Variants in CACNA1D observed in about 807,000 individuals in gnomAD.
CACNA1D encodes the protein calcium voltage-gated channel subunit alpha1 D.
In CACNA1D, 55 loss-of-function variants were observed where a neutral mutation model predicts 257.1. That is an observed-to-expected ratio of 0.21 (90% CI 0.17 to 0.27). The LOEUF is 0.27. CACNA1D is among the 10% of genes least tolerant of loss of function. CACNA1D has a pLI of 1.00. For synonymous variants in CACNA1D, 980 were observed against 1,014.9 expected, an observed-to-expected ratio of 0.97 and a Z score of 0.65; for missense variants, 1,876 against 2,784.0, an observed-to-expected ratio of 0.67 and a Z score of 7.34.
At chr3:53,575,392 G>A (rs77364322) in intron 3 of CACNA1D, among the ~76,000 whole-genome samples, 3 of 152,248 alleles carry the variant, frequency 2.0e-5, no homozygotes, top group East Asian at 3.9e-4. Context: ...TGGGGTGGGG[G>A]CATGGTTCCA....
At chr3:53,585,746 G>T (rs186442640) in intron 3 of CACNA1D, among the ~76,000 whole-genome samples, 91 of 152,260 alleles carry the variant, frequency 6.0e-4, no homozygotes, top group African/African-American at 2.0e-3. Flanking sequence ...GGGAGGGGCT[G>T]GTCCACGCAG....
At chr3:53,581,444 A>G (rs2093131415) in intron 3 of CACNA1D, among the ~76,000 whole-genome samples, 1 of 152,208 alleles carries the variant, frequency 6.6e-6, no homozygotes, top group Admixed American at 6.5e-5. Flanking sequence ...CACATCACAC[A>G]CACACAAAGA....
intron 6 of CACNA1D, among the ~76,000 whole-genome samples, 157 bp from the exon 7 acceptor site, chr3:53,666,182 C>G (rs1214876677): frequency 6.6e-6 from 1 of 152,140 alleles, no homozygotes; most frequent in African/African-American, 2.4e-5. Context: ...AAGGAGGGAG[C>G]ATTTGAAGGG....
Position 53,614,587 on chromosome 3 carries a change from G to A in CACNA1D, c.484-36192G>A, listed in dbSNP as rs139272862. Among the ~76,000 whole-genome samples, 71 of 152,296 alleles carry A rather than the reference G, an allele frequency of 4.7e-4. No homozygotes were observed. In the South Asian group the frequency reaches 6.4e-3, roughly 14 times the overall value. On this transcript the variant is annotated intron_variant, in intron 3 of 47. Transcript: ENST00000350061. ...CAAAATGCTTTCTTCCTGTTAAAGCGTCACACTTTGCCAGTTGACAAAGGA... is the reference window on the plus strand; with the variant it reads ...CAAAATGCTTTCTTCCTGTTAAAGCATCACACTTTGCCAGTTGACAAAGGA...
chr3:53,813,417 G>C lies in CACNA1D; in HGVS notation c.*2011G>C, dbSNP rs1405063650. The stretch of plus-strand genomic sequence containing the variant: ...TGTGCCAGGGCAGCTCTGAAATTAT[G>C]GATATTCTTATCCTCCTGGTTCCTT... On this transcript the variant is annotated 3_prime_UTR_variant, in exon 48 of 48. Transcript: ENST00000350061. 2 of 152,196 alleles carry C rather than the reference G, an allele frequency of 1.3e-5. No individual in the cohort carries two copies. Among genetic ancestry groups the C allele is most frequent in the Non-Finnish European group, 2.9e-5 (2 of 68,032 alleles). 9.4% of individuals were successfully genotyped at this position (152,196 alleles called of 1,614,324 possible).
At chr3:53,564,052 A>G (rs980561153) in intron 3 of CACNA1D, among the ~76,000 whole-genome samples, 6 of 152,186 alleles carry the variant, frequency 3.9e-5, no homozygotes, top group Admixed American at 2.0e-4. Context: ...TATCATTCTG[A>G]CTTGAATATG....
At chr3:53,566,320 C>A (rs528834874) in intron 3 of CACNA1D, among the ~76,000 whole-genome samples, 2 of 152,130 alleles carry the variant, frequency 1.3e-5, no homozygotes, top group Non-Finnish European at 2.9e-5. Flanking sequence ...TGCCAGGCAC[C>A]CTTTCACCCC....
intron 45 of CACNA1D, chr3:53,808,371 G>A (rs566593198): frequency 4.3e-5 from 17 of 391,442 alleles, no homozygotes; most frequent in South Asian, 1.6e-4. Context: ...CTGAGATTGC[G>A]CCACTGCACT....
At chr3:53,802,261 T>G in intron 43 of CACNA1D, 88 bp downstream of exon 43, 1 of 1,037,740 alleles carries the variant, frequency 9.6e-7, no homozygotes, top group Non-Finnish European at 1.5e-6. Flanking sequence ...TGAGAAACAC[T>G]TCTTTGAGCC....
intron 3 of CACNA1D, among the ~76,000 whole-genome samples, chr3:53,506,366 G>A (rs1312396049): frequency 6.6e-6 from 1 of 152,168 alleles, no homozygotes; most frequent in Non-Finnish European, 1.5e-5. Context: ...ACTGTTGTGG[G>A]AAGTGGCGTG....
chr3:53,697,271 G>A (rs2094581204), intron 8 of CACNA1D, among the ~76,000 whole-genome samples: 1 of 152,234 alleles, frequency 6.6e-6, no homozygotes, highest in Admixed American at 6.5e-5. Context: ...CCCAGCAATT[G>A]TGGGCTTTCT....
chr3:53,808,427 A>AT, intron 45 of CACNA1D: 2 of 558,490 alleles, frequency 3.6e-6, no homozygotes, highest in Admixed American at 3.1e-5. Flanking sequence ...AAAAAAAAAA[A>AT]AGTAGTAAGT....
chr3:53,771,996 A>G (rs11918583), intron 32 of CACNA1D, among the ~76,000 whole-genome samples: 40,712 of 152,164 alleles, frequency 0.27, 6,530 homozygotes, highest in Non-Finnish European at 0.36. Flanking sequence ...TCTCTCGGAT[A>G]GTAGAGAAAG....
chr3:53,783,637 G>A (rs1428555255), intron 39 of CACNA1D, among the ~76,000 whole-genome samples: 2 of 152,214 alleles, frequency 1.3e-5, no homozygotes, highest in Non-Finnish European at 2.9e-5. Context: ...TCATGTGAGT[G>A]CTGTGGCCAC....
intron 3 of CACNA1D, among the ~76,000 whole-genome samples, chr3:53,584,026 G>A (rs1296860224): frequency 6.6e-6 from 1 of 152,220 alleles, no homozygotes; most frequent in African/African-American, 2.4e-5. Context: ...GACAAGTCCT[G>A]ATATAGGTGG....
chr3:53,694,547 G>A (rs1480557877), intron 8 of CACNA1D, among the ~76,000 whole-genome samples: 2 of 152,158 alleles, frequency 1.3e-5, no homozygotes, highest in African/African-American at 2.4e-5. Context: ...CATATGATGT[G>A]GGCCAGCAAC....
In CACNA1D at chr3:53,807,521, A is replaced by G. The variant is rs2095572957; in HGVS notation, c.5750-1128A>G. ...GCTTTCCAATAGCGGAATGAGGGGC[A>G]TGTGGAGTTTTGCCAGGGCTGAGAA... On this transcript the variant is annotated intron_variant, in intron 45 of 47. Transcript: ENST00000350061. The G allele has an allele frequency of 3.3e-5, 5 of 152,380 alleles. No homozygotes were observed. In the South Asian group the frequency reaches 8.3e-4, roughly 25 times the overall value. 9.4% of individuals were successfully genotyped at this position (152,380 alleles called of 1,614,324 possible). A position where few individuals can be genotyped will look rare whatever the true frequency, so the allele number is the denominator to read the frequency against.
At position 53,793,287 on chromosome 3, in the gene CACNA1D, A is replaced by T. The variant is rs1388001958; in HGVS notation, c.4923+6335A>T. 6.6e-6 allele frequency among the ~76,000 whole-genome samples: 1 copy of T among 152,174 alleles called. No individual in the cohort carries two copies. Among genetic ancestry groups the T allele is most frequent in the African/African-American group, 2.4e-5 (1 of 41,412 alleles). On this transcript the variant is annotated intron_variant, in intron 40 of 47. Coordinates refer to ENST00000350061, the MANE Select transcript of CACNA1D (RefSeq NM_001128840.3). The surrounding 1 kb of genome is among the most constrained non-coding windows in gnomAD (Gnocchi z 4.1). ...CAGCACCTGGGTATATTAAGTTATA[A>T]GAATTTATGAAGAATGTGATGTATC...
At chr3:53,604,232 G>T (rs2093479749) in intron 3 of CACNA1D, among the ~76,000 whole-genome samples, 1 of 152,240 alleles carries the variant, frequency 6.6e-6, no homozygotes, top group Non-Finnish European at 1.5e-5. Context: ...TGCAAAGGGA[G>T]TTGGAAGTAG....
Sources: allele counts gnomAD v4.1 joint callset (sites outside exome capture counted in the v4.1 genomes callset), GRCh38; gene constraint gnomAD v4.1.1; non-coding constraint Gnocchi (gnomAD v3.1); transcripts MANE v1.5; gene names NCBI Gene and HGNC (gene_info 2026-07-23, HGNC 2026-07-21).